EXT1: variants seen among roughly 807,000 people sequenced by gnomAD.
EXT1 encodes exostosin glycosyltransferase 1.
EXT1 carries 20 observed loss-of-function variants against 82.5 expected under a neutral mutation model. The ratio of observed to expected loss-of-function variants is 0.24; its 90% CI spans 0.17 to 0.35. The LOEUF is 0.35. EXT1 is among the 10% of genes least tolerant of loss of function. EXT1 has a pLI of 1.00. For synonymous variants in EXT1, 348 were observed against 350.8 expected, an observed-to-expected ratio of 0.99 and a Z score of 0.09; for missense variants, 757 against 936.5, an observed-to-expected ratio of 0.81 and a Z score of 2.50.
intron 1 of EXT1, among the ~76,000 whole-genome samples, chr8:117,968,545 A>ATTTTTTTTTTTTTTT (rs1814870229): frequency 2.7e-5 from 2 of 73,052 alleles, no homozygotes; most frequent in Non-Finnish European, 4.6e-5. Context: ...TTATTTATTT[A>ATTTTTTTTTTTTTTT]TTTATTTATT....
At chr8:118,093,807 A>T (rs559215978) in intron 1 of EXT1, among the ~76,000 whole-genome samples, 34 of 152,354 alleles carry the variant, frequency 2.2e-4, no homozygotes, top group African/African-American at 7.7e-4. Context: ...TGGCCCTGTT[A>T]TAAGTTTATC....
At chr8:117,933,386 C>T (rs1014384073) in intron 1 of EXT1, among the ~76,000 whole-genome samples, 1 of 152,068 alleles carries the variant, frequency 6.6e-6, no homozygotes, top group East Asian at 1.9e-4. Context: ...AGCTGGATTA[C>T]AGGCGCACAC....
intron 1 of EXT1, among the ~76,000 whole-genome samples, chr8:118,040,717 A>C (rs1385198478): frequency 6.6e-6 from 1 of 152,238 alleles, no homozygotes; most frequent in Non-Finnish European, 1.5e-5. Context: ...TCCAGCAGGC[A>C]ATAAGCTCCC....
At chr8:117,938,024 T>C (rs972561156) in intron 1 of EXT1, among the ~76,000 whole-genome samples, 2 of 152,186 alleles carry the variant, frequency 1.3e-5, no homozygotes, top group African/African-American at 4.8e-5. Context: ...GACACCTCAA[T>C]AGGAAATATC....
chr8:118,047,335 T>C (rs1816638681), intron 1 of EXT1, among the ~76,000 whole-genome samples: 1 of 152,204 alleles, frequency 6.6e-6, no homozygotes, highest in Non-Finnish European at 1.5e-5. Flanking sequence ...CTATGTGACC[T>C]TGCAGCTCAG....
chr8:117,828,811 A>G (rs1812050036), intron 4 of EXT1, among the ~76,000 whole-genome samples: 5 of 152,088 alleles, frequency 3.3e-5, no homozygotes, highest in Admixed American at 3.3e-4. Flanking sequence ...AGGATGAAAA[A>G]AATACACACT....
chr8:117,952,925 A>G (rs953400469), intron 1 of EXT1, among the ~76,000 whole-genome samples: 1 of 152,256 alleles, frequency 6.6e-6, no homozygotes, highest in African/African-American at 2.4e-5. Context: ...TTATTCATCA[A>G]TTGACATATT....
At chr8:117,887,717 T>C (rs191376472) in intron 1 of EXT1, among the ~76,000 whole-genome samples, 4 of 151,986 alleles carry the variant, frequency 2.6e-5, no homozygotes, top group Admixed American at 6.6e-5. Context: ...CTCTTTTTGA[T>C]CAAATATCCA....
chr8:117,966,959 A>G (rs1563615527), intron 1 of EXT1, among the ~76,000 whole-genome samples: 1 of 152,168 alleles, frequency 6.6e-6, no homozygotes, highest in Non-Finnish European at 1.5e-5. Flanking sequence ...CATAATTACC[A>G]TGCACTATAT....
chr8:118,010,008 C>G (rs1447003482), intron 1 of EXT1, among the ~76,000 whole-genome samples: 1 of 151,402 alleles, frequency 6.6e-6, no homozygotes, highest in Non-Finnish European at 1.5e-5. Flanking sequence ...GCTAATAAAA[C>G]CAAATCCCTG....
intron 1 of EXT1, among the ~76,000 whole-genome samples, chr8:117,988,386 A>T (rs1295848071): frequency 6.6e-6 from 1 of 152,224 alleles, no homozygotes; most frequent in Non-Finnish European, 1.5e-5. Context: ...TACAAAGTGT[A>T]GATTCCTGGG....
At chr8:117,848,466 C>T (rs1376121763) in intron 1 of EXT1, among the ~76,000 whole-genome samples, 1 of 152,156 alleles carries the variant, frequency 6.6e-6, no homozygotes, top group African/African-American at 2.4e-5. Context: ...CAGCTAGCTC[C>T]CTGGCACTCT....
chr8:117,818,081 T>C (rs6982912), intron 7 of EXT1, among the ~76,000 whole-genome samples: 76,362 of 152,114 alleles, frequency 0.5, 19,739 homozygotes, highest in Admixed American at 0.6. Flanking sequence ...TATCTTCATC[T>C]TTGTCATTTA....
chr8:117,992,068 T>G (rs1815445987), intron 1 of EXT1, among the ~76,000 whole-genome samples: 1 of 152,168 alleles, frequency 6.6e-6, no homozygotes, highest in South Asian at 2.1e-4. Flanking sequence ...AAGAAAAGTT[T>G]GTGGCTGGCA....
intron 7 of EXT1, among the ~76,000 whole-genome samples, chr8:117,814,154 A>C (rs1811749550): frequency 6.6e-6 from 1 of 152,066 alleles, no homozygotes; most frequent in East Asian, 1.9e-4. Context: ...ATGGATTTAG[A>C]AAAATTGTGA....
chr8:117,894,006 T>C (rs1421580353), intron 1 of EXT1, among the ~76,000 whole-genome samples: 1 of 152,160 alleles, frequency 6.6e-6, no homozygotes, highest in Non-Finnish European at 1.5e-5. Context: ...GAATCTTCCT[T>C]ACTTCTGATG....
chr8:117,802,236 T>C (rs1481112798), intron 10 of EXT1, among the ~76,000 whole-genome samples: 2 of 152,172 alleles, frequency 1.3e-5, no homozygotes, highest in Non-Finnish European at 2.9e-5. Context: ...TCTATGAAAA[T>C]AGCACAAATC....
At chr8:118,029,004 C>T (rs1046496802) in intron 1 of EXT1, among the ~76,000 whole-genome samples, 10 of 152,050 alleles carry the variant, frequency 6.6e-5, no homozygotes, top group African/African-American at 2.2e-4. Context: ...TATCAATATA[C>T]ATTAAAATCA....
chr8:117,860,182 G>GAAAAAAAAAAAA (rs1554581878), intron 1 of EXT1, among the ~76,000 whole-genome samples: 1 of 133,166 alleles, frequency 7.5e-6, no homozygotes. Flanking sequence ...GAAAGAAAAT[G>GAAAAAAAAAAAA]AAATCATGCC....
Sources: gnomAD v4.1 joint callset for allele counts (sites outside exome capture counted in the v4.1 genomes callset) on GRCh38, gnomAD v4.1.1 for gene constraint, MANE v1.5 for transcripts, NCBI Gene and HGNC (gene_info 2026-07-23, HGNC 2026-07-21) for gene names.